The following SP140L variants were observed in gnomAD, a reference collection of about 807,000 sequenced individuals.
SP140L encodes SP140 like nuclear body protein, also known as nuclear body protein SP140-like protein.
Under a neutral mutation model 84.3 loss-of-function variants are expected in SP140L, and 64 were observed. The observed-to-expected ratio is 0.76, with a 90% CI of 0.62 to 0.94. The LOEUF is 0.94. SP140L is among the 40% of genes least tolerant of loss of function. The pLI is 0.00. For missense variants in SP140L, 628 were observed against 692.5 expected (o/e 0.91, Z 1.05); for synonymous variants, 242 against 236.9 (o/e 1.02, Z -0.20).
chr2:230,356,718 A>T (rs1460155647), intron 2 of SP140L, among the ~76,000 whole-genome samples: 1 of 152,210 alleles, frequency 6.6e-6, no homozygotes, highest in Non-Finnish European at 1.5e-5. Context: ...GTAGGGCACC[A>T]CGATTGCTTT....
intron 2 of SP140L, among the ~76,000 whole-genome samples, chr2:230,342,879 C>T (rs1012958889): frequency 6.6e-6 from 1 of 152,088 alleles, no homozygotes; most frequent in Non-Finnish European, 1.5e-5. Context: ...TTTTCCTATT[C>T]CGTATTTATT....
intron 8 of SP140L, 84 bp downstream of exon 8, chr2:230,383,659 AG>A: frequency 7.5e-7 from 1 of 1,341,824 alleles, no homozygotes; most frequent in South Asian, 1.4e-5. Flanking sequence ...GCAGTTCACG[AG>A]GGCCAGGAGA....
intron 2 of SP140L, among the ~76,000 whole-genome samples, chr2:230,354,234 G>A (rs1427250504): frequency 6.6e-6 from 1 of 152,024 alleles, no homozygotes; most frequent in Admixed American, 6.5e-5. Context: ...CATAAGAGAA[G>A]ACTTTGGAAA....
intron 7 of SP140L, among the ~76,000 whole-genome samples, chr2:230,380,526 A>G (rs1324560851): frequency 6.6e-6 from 1 of 152,212 alleles, no homozygotes; most frequent in Non-Finnish European, 1.5e-5. Context: ...TATTAAGAGT[A>G]CCATTGGATG....
chr2:230,396,022 T>A (rs6746556), intron 13 of SP140L, among the ~76,000 whole-genome samples: 106,705 of 152,172 alleles, frequency 0.7, 38,092 homozygotes, highest in Non-Finnish European at 0.75. Context: ...CCTCCAGGAC[T>A]CTGGGCCCTG....
At chr2:230,361,590 T>C (rs762681523) in intron 4 of SP140L, 24 bp from the exon 5 acceptor site, 1 of 1,541,288 alleles carries the variant, frequency 6.5e-7, no homozygotes, top group Non-Finnish European at 8.8e-7. Flanking sequence ...CTTTAATTGC[T>C]TTCTTCTCTC....
Position 230,388,609 on chromosome 2 carries a change from C to G in SP140L, c.835C>G (p.Pro279Ala), listed in dbSNP as rs773908892. ...GTHFTQSDRA[P>A]QKRVRSRASR... ...CCACTTTACTCAGAGTGACAGAGCT[C>G]CACAGAAAAGAGTCCGATCAAGAGG... The change falls in exon 10 of 19, where the codon CCA (proline) becomes GCA (alanine). Residue 279 changes from proline to alanine, a missense_variant. Transcript: ENST00000415673. 3.1e-6 allele frequency: 5 copies of G among 1,609,002 alleles called. No individual in the cohort carries two copies. Among genetic ancestry groups the G allele is most frequent in the African/African-American group, 2.7e-5 (2 of 74,632 alleles).
chr2:230,386,100 T>C (rs1343181479), intron 9 of SP140L, among the ~76,000 whole-genome samples: 1 of 152,204 alleles, frequency 6.6e-6, no homozygotes, highest in Non-Finnish European at 1.5e-5. Context: ...GCTTGACTTA[T>C]TTTGAAAGAA....
intron 7 of SP140L, among the ~76,000 whole-genome samples, chr2:230,380,807 A>G (rs2061379714): frequency 6.6e-6 from 1 of 152,190 alleles, no homozygotes; most frequent in African/African-American, 2.4e-5. Flanking sequence ...TGGATGTATC[A>G]GTAATTTGTT....
intron 2 of SP140L, among the ~76,000 whole-genome samples, chr2:230,333,128 T>C (rs1470339366): frequency 6.6e-6 from 1 of 152,182 alleles, no homozygotes; most frequent in Non-Finnish European, 1.5e-5. Flanking sequence ...CCTTGCAGTT[T>C]TCAGCATTGC....
At chr2:230,398,357 A>G (rs1343933164) in intron 14 of SP140L, among the ~76,000 whole-genome samples, 1 of 152,208 alleles carries the variant, frequency 6.6e-6, no homozygotes, top group African/African-American at 2.4e-5. Context: ...CAACTAAAGA[A>G]CCAGAGAAAT....
At chr2:230,385,846 C>T (rs1195482054) in intron 9 of SP140L, among the ~76,000 whole-genome samples, 5 of 151,710 alleles carry the variant, frequency 3.3e-5, no homozygotes, top group Non-Finnish European at 7.4e-5. Flanking sequence ...TGGGGGGTGA[C>T]ATGGCCAGTG....
At chr2:230,402,032 C>T (rs1030919497) in intron 18 of SP140L, among the ~76,000 whole-genome samples, 4 of 152,230 alleles carry the variant, frequency 2.6e-5, no homozygotes, top group African/African-American at 9.6e-5. Context: ...AGAGCTCCTC[C>T]CCCACCTGCC....
At chr2:230,386,002 G>GTGGT (rs1252424112) in intron 9 of SP140L, among the ~76,000 whole-genome samples, 2 of 152,192 alleles carry the variant, frequency 1.3e-5, no homozygotes, top group Non-Finnish European at 1.5e-5. Context: ...GACATTGCAA[G>GTGGT]TGGTTGATGC....
intron 5 of SP140L, 140 bp downstream of exon 5, chr2:230,361,837 T>C: frequency 1.6e-6 from 1 of 640,454 alleles, no homozygotes; most frequent in Non-Finnish European, 2.7e-6. Context: ...AAGGAGGGGG[T>C]TGTATGAGCT....
chr2:230,351,240 T>C (rs955181072), intron 2 of SP140L, among the ~76,000 whole-genome samples: 40 of 152,250 alleles, frequency 2.6e-4, no homozygotes, highest in African/African-American at 9.4e-4. Flanking sequence ...ACACCAGCCA[T>C]GAGTGTCTGT....
At chr2:230,385,334 T>G in intron 9 of SP140L, 30 bp downstream of exon 9, 2 of 1,603,436 alleles carry the variant, frequency 1.2e-6, no homozygotes, top group Non-Finnish European at 1.7e-6. Context: ...ACTTTTCATT[T>G]GCCCTGCAGG....
chr2:230,328,339 A>G (rs866041997), intron 1 of SP140L, among the ~76,000 whole-genome samples: 10 of 152,234 alleles, frequency 6.6e-5, no homozygotes, highest in Middle Eastern at 6.8e-3. Context: ...ATATTTTTCG[A>G]TGCATTTACG....
rs182486045 is a variant in SP140L at position 230,360,700 on chromosome 2, C to A, written c.440-914C>A. Among the ~76,000 whole-genome samples the A allele has an allele frequency of 1.3e-4, 20 of 152,264 alleles. No individual in the cohort carries two copies. In the East Asian group the frequency reaches 3.9e-3, roughly 29 times the overall value. On this transcript the variant is annotated intron_variant, in intron 4 of 18. Transcript: ENST00000415673. ...ACAACTCACATGTTAGTTTCTGGCA[C>A]TCCTTATGCTTGGGTGACCTGCACT...
Sources: gnomAD v4.1 joint callset for allele counts (sites outside exome capture counted in the v4.1 genomes callset) on GRCh38, gnomAD v4.1.1 for gene constraint, MANE v1.5 for transcripts, NCBI Gene and HGNC (gene_info 2026-07-23, HGNC 2026-07-21) for gene names.